The following MAGEB6 variants were observed in gnomAD, a reference collection of about 807,000 sequenced individuals.
MAGEB6 encodes MAGE family member B6, also known as melanoma-associated antigen B6.
For missense variants in MAGEB6, 327 were observed against 329.7 expected (o/e 0.99, Z 0.06); for synonymous variants, 128 against 136.2 (o/e 0.94, Z 0.42).
rs749807793 is a variant in MAGEB6 at position 26,193,965 on chromosome X, C to G, written c.119C>G (p.Ser40Cys). ...ATAEKQEESHSSSSSSRACLG... is the reference protein window; with the variant it reads ...ATAEKQEESHCSSSSSRACLG... ...GCAGAGAAGCAGGAAGAGTCCCACT[C>G]TTCCTCATCCTCTTCTCGCGCTTGT... Residue 40 changes from serine to cysteine, a missense_variant, in exon 2 of 2, where the codon TCT becomes TGT. By Grantham distance (112) the Ser-to-Cys change is moderately radical. Coordinates refer to ENST00000379034, the MANE Select transcript of MAGEB6 (RefSeq NM_173523.2). 1 of 1,211,563 alleles carries G rather than the reference C, an allele frequency of 8.3e-7. No individual in the cohort carries two copies. Among genetic ancestry groups the G allele is most frequent in the South Asian group, 1.8e-5 (1 of 56,930 alleles).
Position 26,194,346 on chromosome X carries a change from A to T in MAGEB6, c.500A>T (p.Asp167Val). Residue 167 changes from aspartate (D) to valine (V), a missense_variant, in exon 2 of 2, where the codon GAT becomes GTT. Coordinates refer to ENST00000379034, the MANE Select transcript of MAGEB6 (RefSeq NM_173523.2). ...GCAGGTGTTTCAGGCTCAAAATATG[A>T]TGTGGCTGCCGAGGGTGAAGATGAG... is the stretch of plus-strand genomic sequence containing the variant. Reference protein sequence around the residue: ...PDAGVSGSKYDVAAEGEDEES... With the variant: ...PDAGVSGSKYVVAAEGEDEES... The T allele has an allele frequency of 8.2e-7, 1 of 1,212,276 alleles. No individual in the cohort carries two copies. The highest frequency in any genetic ancestry group is 1.7e-5 in the African/African-American group (1 of 57,911).
chrX:26,194,726 G>T lies in MAGEB6; in HGVS notation c.880G>T (p.Val294Leu), dbSNP rs758698861. The T allele has an allele frequency of 1.9e-5, 23 of 1,209,682 alleles. No individual in the cohort carries two copies. The Admixed American group carries it at 4.2e-4, about 22-fold the overall frequency. The stretch of plus-strand genomic sequence containing the variant: ...GGGTCTCCTGATGTCGCTCCTGGTT[G>T]TGATCTTCATGAACGGCAACTGTGC... ...KSGLLMSLLVVIFMNGNCATE... is the reference protein window; with the variant it reads ...KSGLLMSLLVLIFMNGNCATE... The change falls in exon 2 of 2, where the codon GTG becomes TTG. Residue 294 changes from valine to leucine, a missense_variant. Coordinates refer to ENST00000379034, the MANE Select transcript of MAGEB6 (RefSeq NM_173523.2).
chrX:26,194,893 C>T lies in MAGEB6; in HGVS notation c.1047C>T (p.Asn349=), dbSNP rs1193542206. 24 of 1,209,675 alleles carry T rather than the reference C, an allele frequency of 2.0e-5. No homozygotes were observed. The highest frequency in any genetic ancestry group is 2.7e-5 in the Non-Finnish European group (24 of 895,133). ...ACGTGGTTTACCGGCAGGTGTGCAA[C>T]AGTGATCCTCCATGCTATGAGTTCC... ...DKYVVYRQVC[N]SDPPCYEFLW... Residue 349 remains asparagine (N), a synonymous_variant, in exon 2 of 2, where the codon AAC becomes AAT. Coordinates refer to ENST00000379034, the MANE Select transcript of MAGEB6 (RefSeq NM_173523.2).
Position 26,194,408 on chromosome X carries a change from A to C in MAGEB6, c.562A>C (p.Lys188Gln), listed in dbSNP as rs1929161423. ...CGCCTCACAGAAAGCCATCATTTTTAAGCGCTTAAGCAAAGATGCTGTAAA... is the reference window on the plus strand; with the variant it reads ...CGCCTCACAGAAAGCCATCATTTTTCAGCGCTTAAGCAAAGATGCTGTAAA... Reference protein sequence around the residue: ...VSASQKAIIFKRLSKDAVKKK... With the variant: ...VSASQKAIIFQRLSKDAVKKK... Residue 188 changes from lysine to glutamine, a missense_variant, in exon 2 of 2, where the codon AAG becomes CAG. Coordinates refer to ENST00000379034, the MANE Select transcript of MAGEB6 (RefSeq NM_173523.2). The C allele has an allele frequency of 8.3e-7, 1 of 1,210,413 alleles. No individual in the cohort carries two copies. The highest frequency in any genetic ancestry group is 1.7e-5 in the African/African-American group (1 of 57,324).
rs1440080159 is a variant in MAGEB6 at position 26,194,857 on chromosome X, G to T, written c.1011G>T (p.Val337=). The T allele has an allele frequency of 8.3e-7, 1 of 1,211,438 alleles. No homozygotes were observed. Among genetic ancestry groups the T allele is most frequent in the Non-Finnish European group, 1.1e-6 (1 of 895,417 alleles). The change falls in exon 2 of 2, where the codon GTG becomes GTT. Residue 337 remains valine, a synonymous_variant. Coordinates refer to ENST00000379034, the MANE Select transcript of MAGEB6 (RefSeq NM_173523.2). ...GGAAGATCATTACTGAAGATTTGGT[G>T]CAAGATAAGTACGTGGTTTACCGGC... ...DARKIITEDL[V]QDKYVVYRQV... is the part of the protein sequence containing the mutation.
In MAGEB6 at chrX:26,194,770, G is replaced by C; in HGVS notation, c.924G>C (p.Trp308Cys). ...NGNCATEEEV[W>C]EFLGLLGIYD... ...ACTGTGCCACTGAAGAGGAGGTCTG[G>C]GAGTTCCTGGGTCTGTTGGGGATAT... is the stretch of plus-strand genomic sequence containing the variant. Residue 308 changes from tryptophan to cysteine, a missense_variant, in exon 2 of 2, where the codon TGG becomes TGC. By Grantham distance (215) the Trp-to-Cys change is radical. Transcript: ENST00000379034. 8.3e-7 allele frequency: 1 copy of C among 1,211,387 alleles called. No homozygotes were observed. Among genetic ancestry groups the C allele is most frequent in the Non-Finnish European group, 1.1e-6 (1 of 895,440 alleles).
At position 26,194,187 on chromosome X, in the gene MAGEB6, C is replaced by A. The variant is rs767307552; in HGVS notation, c.341C>A (p.Ser114Tyr). 15 of 1,167,350 alleles carry A rather than the reference C, an allele frequency of 1.3e-5. 4 individuals carry two copies. In the Admixed American group the frequency reaches 1.6e-4, roughly 12 times the overall value. The change falls in exon 2 of 2, where the codon TCT becomes TAT. Residue 114 changes from serine to tyrosine, a missense_variant. Coordinates refer to ENST00000379034, the MANE Select transcript of MAGEB6 (RefSeq NM_173523.2). ...QESQGASPTG[S>Y]PDAGVSGSKY... ...TCTCAGGGAGCTTCACCCACTGGCT[C>A]TCCTGATGCAGGTGTTTCAGGCTCA...
Position 26,194,250 on chromosome X carries a change from G to C in MAGEB6, c.404G>C (p.Ser135Thr), listed in dbSNP as rs1345575755. The C allele has an allele frequency of 1.7e-6, 2 of 1,205,010 alleles. No homozygotes were observed. The highest frequency in any genetic ancestry group is 2.2e-6 in the Non-Finnish European group (2 of 893,534). ...GCTGCCAACGGCCAAGATGAGAAAA[G>C]TCCAAGCACTTCCCATGATGTCTCC... Reference protein sequence around the residue: ...DVAANGQDEKSPSTSHDVSVP... With the variant: ...DVAANGQDEKTPSTSHDVSVP... The change falls in exon 2 of 2, where the codon AGT (serine) becomes ACT (threonine). Residue 135 changes from serine to threonine, a missense_variant. Coordinates refer to ENST00000379034, the MANE Select transcript of MAGEB6 (RefSeq NM_173523.2).
At chrX:26,192,706 T>C (rs887373433) in intron 1 of MAGEB6, among the ~76,000 whole-genome samples, 179 bp downstream of exon 1, 1 of 111,025 alleles carries the variant, frequency 9.0e-6, no homozygotes, top group Non-Finnish European at 1.9e-5. Context: ...TTGAAGAACA[T>C]GAAGGCCTCG....
chrX:26,192,821 C>G (rs1032050141), intron 1 of MAGEB6, among the ~76,000 whole-genome samples: 3 of 111,839 alleles, frequency 2.7e-5, no homozygotes, highest in Non-Finnish European at 5.6e-5. Flanking sequence ...TGTCCCGTAA[C>G]GGGTTGCACC....
chrX:26,194,715 C>T lies in MAGEB6; in HGVS notation c.869C>T (p.Ser290Leu), dbSNP rs752693125. 7 of 1,211,254 alleles carry T rather than the reference C, an allele frequency of 5.8e-6. No individual in the cohort carries two copies. Among genetic ancestry groups the T allele is most frequent in the Non-Finnish European group, 7.8e-6 (7 of 895,390 alleles). Reference protein sequence around the residue: ...NALPKSGLLMSLLVVIFMNGN... With the variant: ...NALPKSGLLMLLLVVIFMNGN... ...CTGCCGAAGTCGGGTCTCCTGATGT[C>T]GCTCCTGGTTGTGATCTTCATGAAC... Residue 290 changes from serine to leucine, a missense_variant, in exon 2 of 2, where the codon TCG (serine) becomes TTG (leucine). Physicochemically the swap from Ser to Leu is moderately radical, Grantham distance 145 (BLOSUM62 -2). Transcript: ENST00000379034.
Position 26,194,111 on chromosome X carries a change from CAAGATGAGAAAAGT to C in MAGEB6, c.266_279del (p.Gln89ProfsTer6). 1.7e-6 allele frequency: 2 copies of C among 1,202,595 alleles called. No homozygotes were observed. On this transcript the variant is annotated frameshift_variant, in exon 2 of 2. Coordinates refer to ENST00000379034, the MANE Select transcript of MAGEB6 (RefSeq NM_173523.2). LOFTEE classifies it low-confidence loss of function (END_TRUNC). ...AAAATCCGATGTGGCTGCCAACGGC[CAAGATGAGAAAAGT>C]CCAAGCACCTCCCGTGATGCCTCCG...
rs1417896192 is a variant in MAGEB6 at position 26,195,080 on chromosome X, G to A, written c.*10G>A. 1.1e-5 allele frequency: 13 copies of A among 1,201,260 alleles called. No homozygotes were observed. Among genetic ancestry groups the A allele is most frequent in the Non-Finnish European group, 1.4e-5 (12 of 888,612 alleles). On this transcript the variant is annotated 3_prime_UTR_variant, in exon 2 of 2. Coordinates refer to ENST00000379034, the MANE Select transcript of MAGEB6 (RefSeq NM_173523.2). ...GAGACTGAGAGCTTAAGGCAGGGCT[G>A]GCACTATTTCCTTGGCCAGGGTACC...
In MAGEB6 at chrX:26,192,447, G is replaced by C. The variant is rs1485859667; in HGVS notation, c.-142G>C. The C allele has an allele frequency of 7.2e-5, 8 of 110,937 alleles. No homozygotes were observed. In the East Asian group the frequency reaches 2.3e-3, roughly 32 times the overall value. The allele number at this position is 110,937 out of a possible 1,213,427, so 9.1% of individuals were successfully genotyped here. A position where few individuals can be genotyped will look rare whatever the true frequency, so the allele number is the denominator to read the frequency against. ...TCCTCTTGACTTCCACCTAATAAAG[G>C]GGTCTGAGCCGGTCGCCTGAGCCTG... On this transcript the variant is annotated 5_prime_UTR_variant, in exon 1 of 2. Coordinates refer to ENST00000379034, the MANE Select transcript of MAGEB6 (RefSeq NM_173523.2).
At position 26,194,364 on chromosome X, in the gene MAGEB6, A is replaced by G. The variant is rs201123921; in HGVS notation, c.518A>G (p.Glu173Gly). The change falls in exon 2 of 2, where the codon GAA (glutamate) becomes GGA (glycine). Residue 173 changes from glutamate to glycine, a missense_variant. Transcript: ENST00000379034. Reference sequence around the variant, plus strand: ...AAATATGATGTGGCTGCCGAGGGTGAAGATGAGGAAAGTGTAAGCGCCTCA... The same window carrying G: ...AAATATGATGTGGCTGCCGAGGGTGGAGATGAGGAAAGTGTAAGCGCCTCA... ...GSKYDVAAEGEDEESVSASQK... is the reference protein window; with the variant it reads ...GSKYDVAAEGGDEESVSASQK... 5.0e-6 allele frequency: 6 copies of G among 1,210,762 alleles called. No individual in the cohort carries two copies. In the East Asian group the frequency reaches 1.5e-4, roughly 30 times the overall value.
chrX:26,193,467 T>C (rs1360001552), intron 1 of MAGEB6, among the ~76,000 whole-genome samples: 2 of 106,357 alleles, frequency 1.9e-5, no homozygotes, highest in African/African-American at 6.9e-5. Context: ...GTCCTTGCGA[T>C]AGTTTGCTGA....
In MAGEB6 at chrX:26,194,344, T is replaced by C. The variant is rs1161514254; in HGVS notation, c.498T>C (p.Tyr166=). ...SPDAGVSGSK[Y]DVAAEGEDEE... Reference sequence around the variant, plus strand: ...ATGCAGGTGTTTCAGGCTCAAAATATGATGTGGCTGCCGAGGGTGAAGATG... The same window carrying C: ...ATGCAGGTGTTTCAGGCTCAAAATACGATGTGGCTGCCGAGGGTGAAGATG... Residue 166 remains tyrosine (Y), a synonymous_variant, in exon 2 of 2, where the codon TAT becomes TAC. Coordinates refer to ENST00000379034, the MANE Select transcript of MAGEB6 (RefSeq NM_173523.2). The C allele has an allele frequency of 8.3e-7, 1 of 1,210,549 alleles. No homozygotes were observed. Among genetic ancestry groups the C allele is most frequent in the Non-Finnish European group, 1.1e-6 (1 of 895,398 alleles).
chrX:26,195,491 T>C lies in MAGEB6; in HGVS notation c.*421T>C, dbSNP rs1224756447. The C allele has an allele frequency of 7.5e-6, 1 of 134,063 alleles. No individual in the cohort carries two copies. Among genetic ancestry groups the C allele is most frequent in the African/African-American group, 3.2e-5 (1 of 31,356 alleles). 11.0% of individuals were successfully genotyped at this position (134,063 alleles called of 1,213,427 possible). ...TGGTAACAGAGAATTGATTTTCATATGAATCTTAACTCCACAGTAAAATAG... is the reference window on the plus strand; with the variant it reads ...TGGTAACAGAGAATTGATTTTCATACGAATCTTAACTCCACAGTAAAATAG... On this transcript the variant is annotated 3_prime_UTR_variant, in exon 2 of 2. Coordinates refer to ENST00000379034, the MANE Select transcript of MAGEB6 (RefSeq NM_173523.2).
In MAGEB6 at chrX:26,193,982, C is replaced by T. The variant is rs775309752; in HGVS notation, c.136C>T (p.Arg46Cys). The T allele has an allele frequency of 6.6e-6, 8 of 1,211,703 alleles. No homozygotes were observed. Among genetic ancestry groups the T allele is most frequent in the East Asian group, 5.9e-5 (2 of 33,812 alleles). Reference protein sequence around the residue: ...EESHSSSSSSRACLGDCRRSS... With the variant: ...EESHSSSSSSCACLGDCRRSS... ...GTCCCACTCTTCCTCATCCTCTTCT[C>T]GCGCTTGTCTGGGTGATTGTCGTAG... Residue 46 changes from arginine to cysteine, a missense_variant, in exon 2 of 2, where the codon CGC becomes TGC. By Grantham distance (180) the Arg-to-Cys change is radical (BLOSUM62 -3). Transcript: ENST00000379034.
Sources: gnomAD v4.1 joint callset for allele counts (sites outside exome capture counted in the v4.1 genomes callset) on GRCh38, gnomAD v4.1.1 for gene constraint, MANE v1.5 for transcripts, NCBI Gene and HGNC (gene_info 2026-07-23, HGNC 2026-07-21) for gene names.